The following CACNA1E variants were observed in gnomAD, a reference collection of about 807,000 sequenced individuals.
CACNA1E encodes calcium voltage-gated channel subunit alpha1 E.
In CACNA1E, 40 loss-of-function variants were observed where a neutral mutation model predicts 259.2. The observed-to-expected ratio is 0.15, with a 90% CI of 0.12 to 0.20. CACNA1E has a LOEUF of 0.20. Among genes scored for constraint, CACNA1E ranks in the 10% least tolerant of loss-of-function variants. The pLI is 1.00. For missense variants in CACNA1E, 1,874 were observed against 3,040.1 expected (o/e 0.62, Z 9.02); for synonymous variants, 1,104 against 1,138.5 (o/e 0.97, Z 0.61).
chr1:181,622,437 G>A (rs1372550232), intron 6 of CACNA1E, among the ~76,000 whole-genome samples: 1 of 152,156 alleles, frequency 6.6e-6, no homozygotes, highest in Non-Finnish European at 1.5e-5. Context: ...TCATAGTTCT[G>A]GAGGCTGGGA....
chr1:181,382,350 T>C (rs761648019), intron 1 of CACNA1E, among the ~76,000 whole-genome samples: 3 of 152,024 alleles, frequency 2.0e-5, no homozygotes, highest in Non-Finnish European at 2.9e-5. Flanking sequence ...TTCAGGACAA[T>C]AGAAAGTTAT....
At chr1:181,440,243 G>A (rs1428685022) in intron 2 of CACNA1E, among the ~76,000 whole-genome samples, 2 of 152,128 alleles carry the variant, frequency 1.3e-5, no homozygotes, top group African/African-American at 4.8e-5. Flanking sequence ...AGAAGGAGAT[G>A]AAGGAGCGAA....
chr1:181,713,188 G>C (rs781189396), intron 8 of CACNA1E, among the ~76,000 whole-genome samples: 3 of 152,092 alleles, frequency 2.0e-5, no homozygotes, highest in Non-Finnish European at 4.4e-5. Context: ...CAGAGATCTC[G>C]GCAGCACCAC....
chr1:181,411,989 G>A (rs1657886023), intron 1 of CACNA1E, among the ~76,000 whole-genome samples: 1 of 152,264 alleles, frequency 6.6e-6, no homozygotes, highest in Non-Finnish European at 1.5e-5. Context: ...CACAATCGAT[G>A]TTCTTCCTGC....
chr1:181,448,595 A>C (rs758361108), intron 2 of CACNA1E, among the ~76,000 whole-genome samples: 30 of 152,244 alleles, frequency 2.0e-4, no homozygotes, highest in Non-Finnish European at 3.2e-4. Context: ...TTTGACGTAG[A>C]TAGATTACTC....
At position 181,318,568 on chromosome 1, in the gene CACNA1E, T is replaced by TA. The variant is rs1181188836; in HGVS notation, c.-15+445_-15+446insA. Among the ~76,000 whole-genome samples, 9 of 152,272 alleles carry TA rather than the reference T, an allele frequency of 5.9e-5. No homozygotes were observed. In the East Asian group the frequency reaches 1.7e-3, roughly 30 times the overall value. On this transcript the variant is annotated intron_variant, in intron 1 of 11. Transcript: ENST00000524607. ...CGAGCCGCTGGGTTTTCGCAAGCCTTGGGGCCTCTGGCCGCCCTTCCATGC... is the reference window on the plus strand; with the variant it reads ...CGAGCCGCTGGGTTTTCGCAAGCCTTAGGGGCCTCTGGCCGCCCTTCCATGC...
chr1:181,510,377 G>A, intron 1 of CACNA1E, 100 bp from the exon 2 acceptor site: 2 of 769,178 alleles, frequency 2.6e-6, no homozygotes, highest in Non-Finnish European at 4.6e-6. Flanking sequence ...AAACTGCACA[G>A]ACACAATGCG....
chr1:181,470,447 C>T (rs995279186), intron 2 of CACNA1E, among the ~76,000 whole-genome samples: 1 of 152,250 alleles, frequency 6.6e-6, no homozygotes, highest in South Asian at 2.1e-4. Context: ...ATCTCAAACT[C>T]CTGGCTTTGG....
intron 1 of CACNA1E, among the ~76,000 whole-genome samples, chr1:181,496,485 C>T (rs529644474): frequency 6.6e-6 from 1 of 152,176 alleles, no homozygotes; most frequent in South Asian, 2.1e-4. Context: ...TACTTCCTAT[C>T]TGCTTAGGCT....
chr1:181,449,587 T>C (rs1661016101), intron 2 of CACNA1E, among the ~76,000 whole-genome samples: 1 of 152,204 alleles, frequency 6.6e-6, no homozygotes, highest in East Asian at 1.9e-4. Context: ...CCTTAGCTTC[T>C]GCATTGAGAG....
At chr1:181,445,062 G>T (rs1164048076) in intron 2 of CACNA1E, among the ~76,000 whole-genome samples, 1 of 152,184 alleles carries the variant, frequency 6.6e-6, no homozygotes, top group Non-Finnish European at 1.5e-5. Flanking sequence ...TGGAGGAAAA[G>T]AAAGAGAGAT....
chr1:181,450,799 T>C (rs1225729937), intron 2 of CACNA1E, among the ~76,000 whole-genome samples: 2 of 152,134 alleles, frequency 1.3e-5, no homozygotes, highest in Non-Finnish European at 2.9e-5. Flanking sequence ...GAGAACGGCT[T>C]GGAGGAGGCA....
At chr1:181,423,055 C>G (rs1439758434) in intron 2 of CACNA1E, among the ~76,000 whole-genome samples, 1 of 152,182 alleles carries the variant, frequency 6.6e-6, no homozygotes, top group Non-Finnish European at 1.5e-5. Flanking sequence ...TTAGCCAACC[C>G]CTATAAAAAA....
intron 3 of CACNA1E, among the ~76,000 whole-genome samples, chr1:181,557,618 A>AGCC (rs1648873263): frequency 1.3e-5 from 2 of 152,296 alleles, no homozygotes; most frequent in Admixed American, 1.3e-4. Context: ...GCTGTGGCTG[A>AGCC]GCCTCCAACT....
intron 7 of CACNA1E, among the ~76,000 whole-genome samples, chr1:181,665,333 A>G (rs1648113901): frequency 6.6e-6 from 1 of 152,212 alleles, no homozygotes; most frequent in Non-Finnish European, 1.5e-5. Context: ...TTAGTACTTA[A>G]GGAACCCAGT....
chr1:181,625,512 G>C (rs1264118743), intron 6 of CACNA1E, among the ~76,000 whole-genome samples: 5 of 152,122 alleles, frequency 3.3e-5, no homozygotes, highest in African/African-American at 9.7e-5. Context: ...TTCATGTATG[G>C]AAACGGCTTC....
intron 7 of CACNA1E, among the ~76,000 whole-genome samples, chr1:181,653,125 A>G (rs1658906101): frequency 1.3e-5 from 2 of 152,106 alleles, no homozygotes; most frequent in South Asian, 4.2e-4. Context: ...ACTAATTACC[A>G]TAGCTCCGCG....
intron 3 of CACNA1E, among the ~76,000 whole-genome samples, chr1:181,552,845 C>G (rs950557736): frequency 7.9e-5 from 12 of 151,782 alleles, no homozygotes; most frequent in African/African-American, 2.4e-4. Context: ...CTGTTCTGTT[C>G]CATTGGTCTG....
intron 7 of CACNA1E, among the ~76,000 whole-genome samples, chr1:181,671,119 G>A (rs537709460): frequency 1.1e-4 from 16 of 152,166 alleles, no homozygotes; most frequent in African/African-American, 3.6e-4. Flanking sequence ...CTGTAGCCTC[G>A]ACCTCCCAGG....
Sources: allele counts gnomAD v4.1 joint callset (sites outside exome capture counted in the v4.1 genomes callset), GRCh38; gene constraint gnomAD v4.1.1; transcripts MANE v1.5; gene names NCBI Gene and HGNC (gene_info 2026-07-23, HGNC 2026-07-21).